The following LSAMP variants were observed in gnomAD, a reference collection of about 807,000 sequenced individuals.
LSAMP encodes limbic system-associated membrane protein.
A neutral mutation model predicts 38.6 loss-of-function variants in LSAMP; 7 were observed. That is an observed-to-expected ratio of 0.18 (90% CI 0.10 to 0.34). The LOEUF is 0.34. LSAMP is among the 10% of genes least tolerant of loss of function. The probability of loss-of-function intolerance (pLI) is 1.00; values close to 1 mark genes in which losing one functional copy is unlikely to be tolerated. For missense variants in LSAMP, 313 were observed against 420.0 expected (o/e 0.75, Z 2.23); for synonymous variants, 154 against 166.8 (o/e 0.92, Z 0.59).
At chr3:116,085,465 A>G (rs1217079716) in intron 2 of LSAMP, among the ~76,000 whole-genome samples, 4 of 152,206 alleles carry the variant, frequency 2.6e-5, no homozygotes, top group Non-Finnish European at 4.4e-5. Context: ...ATTTGCATTA[A>G]ATTTACATAG....
intron 3 of LSAMP, among the ~76,000 whole-genome samples, chr3:115,871,626 ACAG>A: frequency 1.0e-5 from 1 of 99,950 alleles, no homozygotes; most frequent in Admixed American, 1.2e-4. Flanking sequence ...TGTAAGAGAG[ACAG>A]ACAGAGAGAC....
intron 3 of LSAMP, among the ~76,000 whole-genome samples, chr3:115,930,423 G>T (rs1937563044): frequency 6.6e-6 from 1 of 152,092 alleles, no homozygotes; most frequent in Non-Finnish European, 1.5e-5. Context: ...TGACTATGAG[G>T]TGGCTAACGT....
chr3:116,261,608 TA>T (rs1392585478), intron 1 of LSAMP, among the ~76,000 whole-genome samples: 6 of 152,166 alleles, frequency 3.9e-5, no homozygotes, highest in African/African-American at 1.4e-4. Context: ...ATTTTCTGAT[TA>T]AAAAACAATT....
chr3:116,373,207 T>TTA lies in LSAMP; in HGVS notation c.155+71668_155+71669dup, dbSNP rs1479919038. On this transcript the variant is annotated intron_variant, in intron 1 of 6. Transcript: ENST00000490035. ...TAAATAGATAAGCAAAACGTGTTTT[T>TTA]TATATATATGTATATATATATATAT... Among the ~76,000 whole-genome samples the TTA allele has an allele frequency of 1.5e-4, 22 of 151,412 alleles. No homozygotes were observed. In the East Asian group the frequency reaches 3.7e-3, roughly 25 times the overall value.
At chr3:116,012,134 C>A (rs1940346790) in intron 3 of LSAMP, among the ~76,000 whole-genome samples, 1 of 152,142 alleles carries the variant, frequency 6.6e-6, no homozygotes, top group African/African-American at 2.4e-5. Context: ...TTGGTTAACT[C>A]CCAAATAAAT....
intron 1 of LSAMP, 132 bp downstream of exon 1, chr3:116,444,742 ACAC>A (rs2049482307): frequency 2.6e-6 from 3 of 1,145,948 alleles, no homozygotes; most frequent in Non-Finnish European, 3.8e-6. Context: ...ACACACACAC[ACAC>A]CACAAGCCTG....
chr3:116,032,445 C>G (rs1034597170), intron 2 of LSAMP, among the ~76,000 whole-genome samples: 1 of 152,022 alleles, frequency 6.6e-6, no homozygotes, highest in Non-Finnish European at 1.5e-5. Flanking sequence ...AGTGAAAGTA[C>G]TAAGTTCATG....
intron 1 of LSAMP, among the ~76,000 whole-genome samples, chr3:116,188,727 G>C (rs1445771463): frequency 6.6e-6 from 1 of 152,164 alleles, no homozygotes; most frequent in Non-Finnish European, 1.5e-5. Flanking sequence ...TATTTCTTGA[G>C]CTTCTACTAT....
intron 3 of LSAMP, among the ~76,000 whole-genome samples, chr3:115,880,568 CTGTT>C (rs1358861495): frequency 2.0e-5 from 3 of 152,078 alleles, no homozygotes; most frequent in Admixed American, 1.3e-4. Context: ...GCTGAAAATT[CTGTT>C]TGTTTACCAA....
chr3:115,948,652 A>G (rs1016609737), intron 3 of LSAMP, among the ~76,000 whole-genome samples: 3 of 152,204 alleles, frequency 2.0e-5, no homozygotes, highest in African/African-American at 7.2e-5. Context: ...GAAAGTTCAT[A>G]GCATTAAATG....
chr3:116,156,523 T>C (rs1471629647), intron 1 of LSAMP, among the ~76,000 whole-genome samples: 4 of 152,032 alleles, frequency 2.6e-5, no homozygotes, highest in Non-Finnish European at 5.9e-5. Flanking sequence ...AAGTGTGATG[T>C]GATGGTGATA....
At chr3:115,906,218 G>A (rs1030313353) in intron 3 of LSAMP, among the ~76,000 whole-genome samples, 1 of 152,126 alleles carries the variant, frequency 6.6e-6, no homozygotes, top group Non-Finnish European at 1.5e-5. Flanking sequence ...TTTATAATAT[G>A]TGTCACTTTG....
intron 1 of LSAMP, among the ~76,000 whole-genome samples, chr3:116,332,709 T>C (rs984321052): frequency 6.6e-6 from 1 of 152,048 alleles, no homozygotes; most frequent in South Asian, 2.1e-4. Context: ...GTAGAATGCA[T>C]AAAAATACAT....
chr3:116,319,846 T>C (rs2047684064), intron 1 of LSAMP, among the ~76,000 whole-genome samples: 1 of 151,238 alleles, frequency 6.6e-6, no homozygotes, highest in East Asian at 2.0e-4. Flanking sequence ...CTCAAAGCAA[T>C]AGCAGCTAAA....
intron 1 of LSAMP, among the ~76,000 whole-genome samples, chr3:116,103,913 A>G (rs887935061): frequency 1.3e-4 from 20 of 152,256 alleles, no homozygotes; most frequent in African/African-American, 4.6e-4. Context: ...CTGATTTATC[A>G]TTGTACCTTT....
intron 1 of LSAMP, among the ~76,000 whole-genome samples, chr3:116,251,549 C>T (rs1214001291): frequency 6.6e-6 from 1 of 152,146 alleles, no homozygotes; most frequent in Non-Finnish European, 1.5e-5. Context: ...AATACAGACC[C>T]AGAGGGTCAT....
chr3:115,976,010 G>A (rs73860538), intron 3 of LSAMP, among the ~76,000 whole-genome samples: 42,094 of 152,038 alleles, frequency 0.28, 7,056 homozygotes, highest in African/African-American at 0.48. Flanking sequence ...TCATTAATAA[G>A]TTCTTCAGCT....
At chr3:116,334,705 T>C (rs1309555773) in intron 1 of LSAMP, among the ~76,000 whole-genome samples, 1 of 152,006 alleles carries the variant, frequency 6.6e-6, no homozygotes, top group Non-Finnish European at 1.5e-5. Context: ...CACCCTTTTA[T>C]GGAAAAAAAG....
At chr3:115,927,076 CTGTT>C (rs1937511916) in intron 3 of LSAMP, among the ~76,000 whole-genome samples, 1 of 152,170 alleles carries the variant, frequency 6.6e-6, no homozygotes, top group African/African-American at 2.4e-5. Flanking sequence ...TATTTGTTGA[CTGTT>C]TGACTGACAA....
Sources: allele counts gnomAD v4.1 joint callset (sites outside exome capture counted in the v4.1 genomes callset), GRCh38; gene constraint gnomAD v4.1.1; transcripts MANE v1.5; gene names NCBI Gene and HGNC (gene_info 2026-07-23, HGNC 2026-07-21).